ADGRL2: variants seen among roughly 807,000 people sequenced by gnomAD.
The protein encoded by ADGRL2 is calcium-independent alpha-latrotoxin receptor 2.
Under a neutral mutation model 157.4 loss-of-function variants are expected in ADGRL2, and 44 were observed. The ratio of observed to expected loss-of-function variants is 0.28; its 90% CI spans 0.22 to 0.36. The LOEUF (loss-of-function observed/expected upper bound fraction) is 0.36. Among genes scored for constraint, ADGRL2 ranks in the 10% least tolerant of loss-of-function variants. ADGRL2 has a pLI of 1.00. For missense variants in ADGRL2, 1,510 were observed against 1,768.9 expected (o/e 0.85, Z 2.63); for synonymous variants, 585 against 624.7 (o/e 0.94, Z 0.95).
chr1:81,808,859 G>A (rs974568058), intron 1 of ADGRL2, among the ~76,000 whole-genome samples: 2 of 151,984 alleles, frequency 1.3e-5, no homozygotes, highest in Non-Finnish European at 2.9e-5. Flanking sequence ...CGGAAGTGCA[G>A]GAACAAGCAC....
At chr1:81,644,238 T>C (rs2082273540) in intron 3 of ADGRL2, among the ~76,000 whole-genome samples, 1 of 152,116 alleles carries the variant, frequency 6.6e-6, no homozygotes, top group Admixed American at 6.6e-5. Flanking sequence ...ATCATCAATC[T>C]AAATGTAAAC....
At chr1:81,355,542 G>A (rs1025494411) in intron 1 of ADGRL2, among the ~76,000 whole-genome samples, 2 of 152,094 alleles carry the variant, frequency 1.3e-5, no homozygotes, top group Non-Finnish European at 2.9e-5. Context: ...AAAAGTAAGT[G>A]ACCAAGTATC....
intron 2 of ADGRL2, among the ~76,000 whole-genome samples, chr1:81,483,752 C>A (rs2078441135): frequency 1.3e-5 from 2 of 152,088 alleles, no homozygotes; most frequent in African/African-American, 2.4e-5. Flanking sequence ...TGAGCTTAAA[C>A]AAGGTGTTTT....
chr1:81,381,613 A>G (rs1570782469), intron 1 of ADGRL2, among the ~76,000 whole-genome samples: 1 of 152,270 alleles, frequency 6.6e-6, no homozygotes, highest in East Asian at 1.9e-4. Flanking sequence ...TTTTTCTTTC[A>G]GTATTTTCAT....
At chr1:81,313,642 G>C (rs1414991631) in intron 1 of ADGRL2, among the ~76,000 whole-genome samples, 3 of 152,134 alleles carry the variant, frequency 2.0e-5, no homozygotes, top group African/African-American at 7.2e-5. Flanking sequence ...CTATGGATCA[G>C]ACAAATATAA....
intron 1 of ADGRL2, among the ~76,000 whole-genome samples, chr1:81,754,234 T>C (rs1465823537): frequency 2.8e-5 from 4 of 143,768 alleles, no homozygotes; most frequent in South Asian, 5.0e-4. Context: ...TCTCTCTTTC[T>C]TTCTTTCTTT....
At chr1:81,961,471 T>G (rs1331886668) in intron 11 of ADGRL2, among the ~76,000 whole-genome samples, 1 of 151,868 alleles carries the variant, frequency 6.6e-6, no homozygotes, top group Admixed American at 6.6e-5. Context: ...TTTTTAACAT[T>G]AATTTCACAC....
At chr1:81,485,439 A>G (rs2078479903) in intron 2 of ADGRL2, among the ~76,000 whole-genome samples, 1 of 152,184 alleles carries the variant, frequency 6.6e-6, no homozygotes. Context: ...TTATAATTGT[A>G]TACTTTGAAG....
intron 1 of ADGRL2, among the ~76,000 whole-genome samples, chr1:81,747,177 A>C (rs577701083): frequency 1.2e-4 from 16 of 136,840 alleles, no homozygotes; most frequent in African/African-American, 4.2e-4. Context: ...GTATATATAC[A>C]TATATGTATG....
chr1:81,642,086 A>G (rs947541271), intron 3 of ADGRL2, among the ~76,000 whole-genome samples: 5 of 56,368 alleles, frequency 8.9e-5, no homozygotes, highest in Non-Finnish European at 1.5e-4. Context: ...CTAAACATAC[A>G]AAAAAAAAAA....
intron 1 of ADGRL2, chr1:81,426,935 C>G: frequency 1.4e-6 from 1 of 709,204 alleles, no homozygotes; most frequent in Non-Finnish European, 2.6e-6. Flanking sequence ...GGAAGACAGA[C>G]AGAGTGAAAA....
At chr1:81,463,585 T>G (rs2077986354) in intron 2 of ADGRL2, among the ~76,000 whole-genome samples, 2 of 152,200 alleles carry the variant, frequency 1.3e-5, no homozygotes, top group African/African-American at 4.8e-5. Context: ...CCTCTTTCAC[T>G]CCTCAGTGGA....
chr1:81,777,219 C>T (rs1171821497), intron 2 of ADGRL2, among the ~76,000 whole-genome samples: 1 of 152,020 alleles, frequency 6.6e-6, no homozygotes, highest in Admixed American at 6.5e-5. Flanking sequence ...TTATATTCTC[C>T]ATTATTCTAT....
At chr1:81,490,143 T>C (rs2078599435) in intron 2 of ADGRL2, among the ~76,000 whole-genome samples, 1 of 151,860 alleles carries the variant, frequency 6.6e-6, no homozygotes, top group South Asian at 2.1e-4. Flanking sequence ...TTTTTTTTTT[T>C]TTTTCGAGAC....
chr1:81,449,690 C>T (rs1042691168), intron 2 of ADGRL2, among the ~76,000 whole-genome samples: 1 of 152,138 alleles, frequency 6.6e-6, no homozygotes, highest in African/African-American at 2.4e-5. Context: ...CAGCCTTGAC[C>T]TTCCAGGGTC....
At chr1:81,861,124 G>T (rs941712780) in intron 2 of ADGRL2, among the ~76,000 whole-genome samples, 1 of 150,986 alleles carries the variant, frequency 6.6e-6, no homozygotes, top group African/African-American at 2.4e-5. Flanking sequence ...GGGTTCAAGC[G>T]ATTCTCCTGC....
At chr1:81,492,237 A>C (rs1259718465) in intron 2 of ADGRL2, among the ~76,000 whole-genome samples, 1 of 152,162 alleles carries the variant, frequency 6.6e-6, no homozygotes, top group Admixed American at 6.6e-5. Context: ...ATGACTTTGC[A>C]TATGTGGTTT....
intron 1 of ADGRL2, among the ~76,000 whole-genome samples, chr1:81,320,649 T>C (rs1660439573): frequency 6.6e-6 from 1 of 152,216 alleles, no homozygotes; most frequent in African/African-American, 2.4e-5. Flanking sequence ...TAATATTTTG[T>C]AAGAAAGCTT....
At chr1:81,530,030 C>G (rs2079560964) in intron 2 of ADGRL2, among the ~76,000 whole-genome samples, 1 of 152,126 alleles carries the variant, frequency 6.6e-6, no homozygotes, top group African/African-American at 2.4e-5. Context: ...TAAATCTGGG[C>G]TAGATGATGG....
Sources: allele counts gnomAD v4.1 joint callset (sites outside exome capture counted in the v4.1 genomes callset), GRCh38; gene constraint gnomAD v4.1.1; transcripts MANE v1.5; gene names NCBI Gene and HGNC (gene_info 2026-07-23, HGNC 2026-07-21).